The following DMD variants were observed in gnomAD, a reference collection of about 807,000 sequenced individuals.
DMD encodes the protein mutant dystrophin.
In DMD, 63 loss-of-function variants were observed where a neutral mutation model predicts 330.1. The observed-to-expected ratio is 0.19, with a 90% confidence interval of 0.16 to 0.24. The LOEUF (loss-of-function observed/expected upper bound fraction) is 0.24. Among genes scored for constraint, DMD ranks in the 10% least tolerant of loss-of-function variants. The pLI, the probability that DMD is intolerant of heterozygous loss-of-function variation, is 1.00. For synonymous variants in DMD, 1,223 were observed against 959.8 expected (o/e 1.27, Z -5.07); for missense variants, 3,344 against 2,684.1 (o/e 1.25, Z -5.43).
At chrX:32,405,153 T>C (rs1252463230) in intron 30 of DMD, among the ~76,000 whole-genome samples, 1 of 111,729 alleles carries the variant, frequency 9.0e-6, no homozygotes, top group Admixed American at 9.6e-5. Context: ...TCCAATTAGC[T>C]ACACATTAGA....
intron 44 of DMD, among the ~76,000 whole-genome samples, chrX:32,043,543 C>A (rs183813612): frequency 1.8e-5 from 2 of 112,110 alleles, no homozygotes; most frequent in African/African-American, 6.5e-5. Context: ...ATAATAGTTT[C>A]TCTTGCATAA....
chrX:32,605,474 C>T (rs1701991428), intron 12 of DMD, among the ~76,000 whole-genome samples: 1 of 109,966 alleles, frequency 9.1e-6, no homozygotes, highest in Admixed American at 9.7e-5. Context: ...AGGAAAAACT[C>T]TTCTCGACAC....
chrX:32,367,247 T>C (rs968819918), intron 34 of DMD, among the ~76,000 whole-genome samples: 1 of 111,806 alleles, frequency 8.9e-6, no homozygotes, highest in African/African-American at 3.2e-5. Flanking sequence ...ATGTTAGCCA[T>C]TGTTACTAGG....
At chrX:32,330,567 T>C (rs894087515) in intron 41 of DMD, among the ~76,000 whole-genome samples, 1 of 112,020 alleles carries the variant, frequency 8.9e-6, no homozygotes, top group African/African-American at 3.2e-5. Context: ...AAAGCAAATT[T>C]AGATTGGAGA....
At chrX:31,317,072 C>G (rs1247845615) in intron 62 of DMD, among the ~76,000 whole-genome samples, 3 of 112,128 alleles carry the variant, frequency 2.7e-5, no homozygotes, top group Non-Finnish European at 5.6e-5. Context: ...AAAATGATCA[C>G]AAACAATTTC....
intron 63 of DMD, among the ~76,000 whole-genome samples, chrX:31,229,298 G>A (rs1285396540): frequency 8.9e-6 from 1 of 111,852 alleles, no homozygotes; most frequent in Non-Finnish European, 1.9e-5. Context: ...CAATTTTATA[G>A]CTGGTTTCTG....
chrX:32,209,414 A>C (rs922989701), intron 44 of DMD, among the ~76,000 whole-genome samples: 2 of 111,403 alleles, frequency 1.8e-5, no homozygotes, highest in African/African-American at 6.5e-5. Context: ...GTAGAGAGAA[A>C]AGCAAATTTA....
chrX:31,671,540 A>C (rs1418945012), intron 53 of DMD, among the ~76,000 whole-genome samples: 1 of 112,121 alleles, frequency 8.9e-6, no homozygotes, highest in African/African-American at 3.2e-5. Context: ...CTGGTTAGGA[A>C]GTGTTCCTTT....
intron 51 of DMD, among the ~76,000 whole-genome samples, chrX:31,744,423 C>G (rs905987220): frequency 9.0e-6 from 1 of 111,691 alleles, no homozygotes; most frequent in Non-Finnish European, 1.9e-5. Context: ...CTGCAAAGTG[C>G]AATAAAGTGA....
rs1054578723 is a variant in DMD, at chrX:31,399,036, C to T, written c.9084+45445G>A. ...TGCCCATGAGGAAGTGTTACAGCGC[C>T]CTTTTAGCTTTGCCATTCACAGATG... On this transcript the variant is annotated intron_variant, in intron 60 of 78. Transcript: ENST00000357033. 7.2e-5 allele frequency among the ~76,000 whole-genome samples: 8 copies of T among 111,202 alleles called. No homozygotes were observed. In the East Asian group the frequency reaches 8.5e-4, roughly 12 times the overall value.
chrX:31,721,714 C>CTATATA (rs1381619508), intron 52 of DMD, among the ~76,000 whole-genome samples: 3 of 60,716 alleles, frequency 4.9e-5, no homozygotes, highest in Admixed American at 2.9e-4. Flanking sequence ...CTCTCTCTCT[C>CTATATA]TCTCTATATA....
At chrX:33,143,932 G>A (rs2047913561) in intron 1 of DMD, among the ~76,000 whole-genome samples, 1 of 110,942 alleles carries the variant, frequency 9.0e-6, no homozygotes, top group African/African-American at 3.3e-5. Context: ...TAAATATGAA[G>A]ACCAGAGAAA....
At chrX:32,899,499 C>A (rs2086034016) in intron 2 of DMD, among the ~76,000 whole-genome samples, 1 of 108,748 alleles carries the variant, frequency 9.2e-6, no homozygotes, top group South Asian at 4.1e-4. Context: ...CATGGTGAAA[C>A]CCCGTCGCTA....
chrX:32,511,051 C>A (rs1271974712), intron 18 of DMD, among the ~76,000 whole-genome samples: 3 of 109,033 alleles, frequency 2.8e-5, no homozygotes, highest in African/African-American at 1.0e-4. Flanking sequence ...TTTTCAAGAC[C>A]AAGGGTATCA....
chrX:31,646,704 T>C (rs2080123866), intron 54 of DMD, among the ~76,000 whole-genome samples: 1 of 111,881 alleles, frequency 8.9e-6, no homozygotes, highest in Admixed American at 9.5e-5. Context: ...CTCTTTCCCA[T>C]GGGGTGACCC....
intron 9 of DMD, among the ~76,000 whole-genome samples, chrX:32,648,102 T>C (rs760922171): frequency 2.1e-4 from 24 of 111,964 alleles, no homozygotes; most frequent in African/African-American, 7.8e-4. Context: ...TTTATTGATA[T>C]TTACACAGGA....
intron 44 of DMD, among the ~76,000 whole-genome samples, chrX:32,198,407 A>T (rs1372515522): frequency 9.0e-6 from 1 of 111,619 alleles, no homozygotes; most frequent in Non-Finnish European, 1.9e-5. Flanking sequence ...TTTCAGAGTA[A>T]AGCAACTCTT....
intron 51 of DMD, among the ~76,000 whole-genome samples, chrX:31,752,110 G>A (rs747929847): frequency 2.6e-4 from 29 of 111,740 alleles, no homozygotes; most frequent in Non-Finnish European, 4.7e-4. Flanking sequence ...TACATTGGGC[G>A]CACTGGGGTA....
intron 13 of DMD, among the ~76,000 whole-genome samples, chrX:32,587,693 C>T (rs1377299372): frequency 9.0e-6 from 1 of 111,041 alleles, no homozygotes; most frequent in Non-Finnish European, 1.9e-5. Context: ...TCTTTTAAAA[C>T]ATACTTGAAC....
Sources: allele counts gnomAD v4.1 joint callset (sites outside exome capture counted in the v4.1 genomes callset), GRCh38; gene constraint gnomAD v4.1.1; transcripts MANE v1.5; gene names NCBI Gene and HGNC (gene_info 2026-07-23, HGNC 2026-07-21).